Variants in CDC20B observed in about 807,000 individuals in gnomAD.
CDC20B encodes the protein cell division cycle 20B.
CDC20B carries 58 observed loss-of-function variants against 64.1 expected under a neutral mutation model. The ratio of observed to expected loss-of-function variants is 0.90; its 90% CI spans 0.73 to 1.13. The LOEUF (loss-of-function observed/expected upper bound fraction) is 1.13. Among genes scored for constraint, CDC20B ranks in the 50% most tolerant of loss-of-function variants. CDC20B has a pLI of 0.00. For missense variants in CDC20B, 597 were observed against 633.0 expected (o/e 0.94, Z 0.61); for synonymous variants, 243 against 230.6 (o/e 1.05, Z -0.49).
Position 55,146,855 on chromosome 5 carries a change from A to C in CDC20B, c.128T>G (p.Val43Gly). 6.2e-7 allele frequency: 1 copy of C among 1,613,186 alleles called. No individual in the cohort carries two copies. Among genetic ancestry groups the C allele is most frequent in the Non-Finnish European group, 8.5e-7 (1 of 1,179,238 alleles). Residue 43 changes from valine to glycine, a missense_variant and splice_region_variant, in exon 3 of 12, where the codon GTA becomes GGA. Val to Gly is a moderately radical substitution (Grantham distance 109). Transcript: ENST00000381375. ...KQKRSQDSAN[V>G]LDSVNATYSD... The stretch of plus-strand genomic sequence containing the variant: ...ATACGTAGCATTAACTGAATCGAGT[A>C]CCTGTTTAACAACAAAAACAGCTGT...
At position 55,172,479 on chromosome 5, in the gene CDC20B, C is replaced by A. The variant is rs561393836; in HGVS notation, c.126+109G>T. 2.8e-4 allele frequency: 243 copies of A among 868,372 alleles called. 1 individual carries two copies. The highest frequency in any genetic ancestry group is 4.8e-5 in the Non-Finnish European group (26 of 537,642). The allele number at this position is 868,372 out of a possible 1,614,324, so 53.8% of individuals were successfully genotyped here. A position where few individuals can be genotyped will look rare whatever the true frequency, so the allele number is the denominator to read the frequency against. Reference sequence around the variant, plus strand: ...TAGTATGTAATAAGATACTAAAATTCTCATATTTTCAGACCAGCTCAAACT... The same window carrying A: ...TAGTATGTAATAAGATACTAAAATTATCATATTTTCAGACCAGCTCAAACT... On this transcript the variant is annotated intron_variant, in intron 2 of 11. Coordinates refer to ENST00000381375, the MANE Select transcript of CDC20B (RefSeq NM_001170402.1).
In CDC20B at chr5:55,128,416, A is replaced by G; in HGVS notation, c.894+5T>C. 6.3e-7 allele frequency: 1 copy of G among 1,581,776 alleles called. No individual in the cohort carries two copies. Among genetic ancestry groups the G allele is most frequent in the Non-Finnish European group, 8.5e-7 (1 of 1,171,438 alleles). ...ATGATGAGAAAAAAAAAAACTGGCC[A>G]GTACTTGCACTTCTCCCTCGCTGGT... On this transcript the variant is annotated splice_donor_5th_base_variant and intron_variant, in intron 7 of 11. Coordinates refer to ENST00000381375, the MANE Select transcript of CDC20B (RefSeq NM_001170402.1).
Position 55,119,809 on chromosome 5 carries a change from C to A in CDC20B, c.1451G>T (p.Gly484Val). The A allele has an allele frequency of 6.2e-7, 1 of 1,612,654 alleles. No homozygotes were observed. Among genetic ancestry groups the A allele is most frequent in the Non-Finnish European group, 8.5e-7 (1 of 1,178,910 alleles). ...WTCPTVSRSG[G>V]FFGHRGRVLH... ...CTCACCCATTTGCTTACCAAAAAAC[C>A]CACCTGACCTGGACACAGTGGGACA... The change falls in exon 11 of 12, where the codon GGG becomes GTG. Residue 484 changes from glycine to valine, a missense_variant. This residue lies in a region of CDC20B where 353 missense variants were observed against 397.0 expected (regional missense o/e 0.89). Coordinates refer to ENST00000381375, the MANE Select transcript of CDC20B (RefSeq NM_001170402.1).
At chr5:55,151,132 C>T (rs1743656392) in intron 2 of CDC20B, among the ~76,000 whole-genome samples, 1 of 152,178 alleles carries the variant, frequency 6.6e-6, no homozygotes, top group South Asian at 2.1e-4. Context: ...GGGTCTCAGC[C>T]CCAGAAACTG....
At chr5:55,144,978 T>C (rs1300488374) in intron 3 of CDC20B, among the ~76,000 whole-genome samples, 1 of 152,234 alleles carries the variant, frequency 6.6e-6, no homozygotes, top group Non-Finnish European at 1.5e-5. Flanking sequence ...TTAACTTCAG[T>C]AGAAAATAAA....
Position 55,120,638 on chromosome 5 carries a change from C to T in CDC20B, c.1216-88G>A, listed in dbSNP as rs1742735438. 4 of 1,503,442 alleles carry T rather than the reference C, an allele frequency of 2.7e-6. No individual in the cohort carries two copies. In the Admixed American group the frequency reaches 7.3e-5, roughly 27 times the overall value. The allele number at this position is 1,503,442 out of a possible 1,614,324, so 93.1% of individuals were successfully genotyped here. On this transcript the variant is annotated intron_variant, in intron 9 of 11. Transcript: ENST00000381375. ...GATGCACTTAGGTAAGCAGCAAGTC[C>T]CCACGTCTGCACCTGTCACAGCTCT...
At chr5:55,152,676 A>G (rs1184193008) in intron 2 of CDC20B, among the ~76,000 whole-genome samples, 1 of 152,172 alleles carries the variant, frequency 6.6e-6, no homozygotes, top group African/African-American at 2.4e-5. Context: ...ACTCTGACAA[A>G]TCAATCTAGT....
intron 6 of CDC20B, among the ~76,000 whole-genome samples, chr5:55,129,449 GT>G: frequency 6.6e-6 from 1 of 152,160 alleles, no homozygotes; most frequent in Non-Finnish European, 1.5e-5. Flanking sequence ...CATTGATGGA[GT>G]GCCAGCGAAG....
chr5:55,123,592 A>G (rs1742807131), intron 9 of CDC20B, among the ~76,000 whole-genome samples: 1 of 152,174 alleles, frequency 6.6e-6, no homozygotes, highest in Non-Finnish European at 1.5e-5. Context: ...CCAGGTGCTG[A>G]CTGCCAGGAG....
chr5:55,153,411 A>C (rs1268523972), intron 2 of CDC20B, among the ~76,000 whole-genome samples: 1 of 152,170 alleles, frequency 6.6e-6, no homozygotes, highest in Non-Finnish European at 1.5e-5. Context: ...TAATGACAGC[A>C]CTTTCAGAAC....
chr5:55,162,170 C>CAGAT (rs1744109176), intron 2 of CDC20B, among the ~76,000 whole-genome samples: 1 of 150,224 alleles, frequency 6.7e-6, no homozygotes, highest in Middle Eastern at 3.2e-3. Context: ...CCGAGGCAGG[C>CAGAT]AGATCACTTA....
At chr5:55,145,546 A>G (rs564679117) in intron 3 of CDC20B, among the ~76,000 whole-genome samples, 1 of 152,344 alleles carries the variant, frequency 6.6e-6, no homozygotes, top group Admixed American at 6.5e-5. Context: ...TGAGAATTAC[A>G]TATTTCAGAA....
intron 3 of CDC20B, among the ~76,000 whole-genome samples, chr5:55,144,241 G>A (rs1259704251): frequency 6.6e-6 from 1 of 152,096 alleles, no homozygotes; most frequent in Non-Finnish European, 1.5e-5. Flanking sequence ...TGGCATCAGT[G>A]AAATACTTTC....
chr5:55,143,033 A>G (rs1274315845), intron 4 of CDC20B, among the ~76,000 whole-genome samples: 1 of 152,196 alleles, frequency 6.6e-6, no homozygotes, highest in African/African-American at 2.4e-5. Context: ...CCTAAATGTA[A>G]TAAATGTACT....
At chr5:55,131,314 A>G (rs191527422) in intron 6 of CDC20B, among the ~76,000 whole-genome samples, 1 of 152,346 alleles carries the variant, frequency 6.6e-6, no homozygotes, top group East Asian at 1.9e-4. Flanking sequence ...CCCTAGAAAA[A>G]TGACGACAAA....
At chr5:55,131,516 A>G (rs564132177) in intron 6 of CDC20B, among the ~76,000 whole-genome samples, 17 of 152,318 alleles carry the variant, frequency 1.1e-4, no homozygotes, top group African/African-American at 4.1e-4. Flanking sequence ...ACAAAACCCA[A>G]AAGAGTGGGA....
intron 8 of CDC20B, among the ~76,000 whole-genome samples, chr5:55,125,242 T>C (rs186580357): frequency 6.6e-6 from 1 of 152,294 alleles, no homozygotes; most frequent in Non-Finnish European, 1.5e-5. Flanking sequence ...GTTTGAAGTC[T>C]AGATTTAAAA....
At chr5:55,152,117 TGG>T (rs888134618) in intron 2 of CDC20B, among the ~76,000 whole-genome samples, 1 of 152,234 alleles carries the variant, frequency 6.6e-6, no homozygotes, top group African/African-American at 2.4e-5. Flanking sequence ...CAAGAAATGC[TGG>T]CAGTCACCAG....
intron 5 of CDC20B, among the ~76,000 whole-genome samples, chr5:55,139,001 G>A: frequency 6.7e-6 from 1 of 149,224 alleles, no homozygotes; most frequent in Non-Finnish European, 1.5e-5. Flanking sequence ...AGAACTATAG[G>A]ATATGGATCT....
Sources: gnomAD v4.1 joint callset for allele counts (sites outside exome capture counted in the v4.1 genomes callset) on GRCh38, gnomAD v4.1.1 for gene constraint, gnomAD v4.1.1 regional missense constraint, MANE v1.5 for transcripts, NCBI Gene and HGNC (gene_info 2026-07-23, HGNC 2026-07-21) for gene names.